Variants in GADL1 observed in about 807,000 individuals in gnomAD.
GADL1 encodes GAD like acidic amino acid decarboxylase 1.
A neutral mutation model predicts 69.5 loss-of-function variants in GADL1; 71 were observed. That is an observed-to-expected ratio of 1.02 (90% CI 0.84 to 1.25). The LOEUF (loss-of-function observed/expected upper bound fraction) is 1.25. Among genes scored for constraint, GADL1 ranks in the 50% most tolerant of loss-of-function variants. The pLI is 0.00. For synonymous variants in GADL1, 254 were observed against 214.4 expected (o/e 1.18, Z -1.62); for missense variants, 737 against 631.8 (o/e 1.17, Z -1.79).
rs1283387833 is a variant in GADL1, at chr3:30,760,388, T to TTG, written c.1392+17789_1392+17790dup. On this transcript the variant is annotated intron_variant, in intron 14 of 14. Transcript: ENST00000282538. ...TCTTTTAAATATCATTTTCAGGGAC[T>TTG]TGTATCACTCTGTGAAACTCCTAAA... 3.9e-5 allele frequency among the ~76,000 whole-genome samples: 6 copies of TTG among 152,316 alleles called. No individual in the cohort carries two copies. In the East Asian group the frequency reaches 1.2e-3, roughly 29 times the overall value.
At chr3:30,784,893 C>T (rs1423625501) in intron 13 of GADL1, among the ~76,000 whole-genome samples, 3 of 152,106 alleles carry the variant, frequency 2.0e-5, no homozygotes, top group Non-Finnish European at 4.4e-5. Flanking sequence ...CTGCACACTC[C>T]CCTTCATTCA....
rs557752797 is a variant in GADL1, at chr3:30,760,767, T to C, written c.1392+17412A>G. On this transcript the variant is annotated intron_variant, in intron 14 of 14. Transcript: ENST00000282538. ...TTATGTGACTTGGCCCTGAATTGATTCTCTAATCTTGGGACTTCTCCACAT... is the reference window on the plus strand; with the variant it reads ...TTATGTGACTTGGCCCTGAATTGATCCTCTAATCTTGGGACTTCTCCACAT... Among the ~76,000 whole-genome samples, 11 of 152,272 alleles carry C rather than the reference T, an allele frequency of 7.2e-5. No individual in the cohort carries two copies. In the South Asian group the frequency reaches 2.3e-3, roughly 32 times the overall value.
At chr3:30,851,322 TG>T (rs1698143764) in intron 4 of GADL1, among the ~76,000 whole-genome samples, 1 of 152,172 alleles carries the variant, frequency 6.6e-6, no homozygotes, top group South Asian at 2.1e-4. Context: ...TCCATTGTCA[TG>T]GTAACCAAGT....
intron 1 of GADL1, among the ~76,000 whole-genome samples, chr3:30,888,555 G>A (rs1235539795): frequency 6.6e-6 from 1 of 152,004 alleles, no homozygotes; most frequent in Admixed American, 6.6e-5. Context: ...TTTTTTTCAG[G>A]ATTTTTCCCA....
At chr3:30,785,442 T>C (rs1487400987) in intron 13 of GADL1, among the ~76,000 whole-genome samples, 1 of 148,606 alleles carries the variant, frequency 6.7e-6, no homozygotes, top group African/African-American at 2.5e-5. Flanking sequence ...TGGAGTGCAA[T>C]GGCGCGATAG....
At chr3:30,774,612 G>A (rs189449691) in intron 14 of GADL1, among the ~76,000 whole-genome samples, 1 of 152,094 alleles carries the variant, frequency 6.6e-6, no homozygotes, top group African/African-American at 2.4e-5. Flanking sequence ...TTCCAATACT[G>A]TCATGCTCAA....
intron 14 of GADL1, among the ~76,000 whole-genome samples, chr3:30,743,655 G>A (rs1182227682): frequency 6.6e-6 from 1 of 152,304 alleles, no homozygotes; most frequent in East Asian, 1.9e-4. Flanking sequence ...CTGATTCCCT[G>A]AGTGGATGGT....
chr3:30,828,382 T>C (rs373904776), intron 11 of GADL1, among the ~76,000 whole-genome samples: 9 of 151,560 alleles, frequency 5.9e-5, no homozygotes, highest in African/African-American at 2.2e-4. Context: ...TTTTTTTTCC[T>C]TTACGTTGTA....
intron 12 of GADL1, among the ~76,000 whole-genome samples, chr3:30,797,161 G>A (rs189317439): frequency 2.1e-4 from 32 of 152,244 alleles, no homozygotes; most frequent in Middle Eastern, 3.4e-3. Context: ...TCAAGAATGC[G>A]CTGGCTAGTA....
chr3:30,854,978 T>C (rs1260331535), intron 3 of GADL1, among the ~76,000 whole-genome samples, 189 bp from the exon 4 acceptor site: 2 of 152,098 alleles, frequency 1.3e-5, no homozygotes, highest in Non-Finnish European at 2.9e-5. Flanking sequence ...GTTAGAATTC[T>C]AGGTACTTTG....
intron 1 of GADL1, 108 bp from the exon 2 acceptor site, chr3:30,861,873 A>C: frequency 1.5e-6 from 1 of 679,208 alleles, no homozygotes; most frequent in Non-Finnish European, 2.4e-6. Flanking sequence ...CACATCTTTT[A>C]ATACATGAAG....
At chr3:30,890,072 G>C (rs889687886) in intron 1 of GADL1, among the ~76,000 whole-genome samples, 1 of 152,124 alleles carries the variant, frequency 6.6e-6, no homozygotes, top group African/African-American at 2.4e-5. Context: ...CCAGCTATTA[G>C]ATATTTAGAT....
chr3:30,781,941 G>A (rs1657324567), intron 13 of GADL1, among the ~76,000 whole-genome samples: 1 of 152,150 alleles, frequency 6.6e-6, no homozygotes, highest in Non-Finnish European at 1.5e-5. Context: ...TACTATATTT[G>A]AAGGGAAACA....
At chr3:30,882,109 T>A (rs938254497) in intron 1 of GADL1, among the ~76,000 whole-genome samples, 1 of 151,696 alleles carries the variant, frequency 6.6e-6, no homozygotes, top group East Asian at 1.9e-4. Context: ...TTTTACACAC[T>A]TTTCTATCCT....
chr3:30,815,133 A>AT (rs1697440506), intron 11 of GADL1, among the ~76,000 whole-genome samples: 4 of 152,138 alleles, frequency 2.6e-5, no homozygotes, highest in Admixed American at 2.6e-4. Context: ...AGAGAATGGC[A>AT]TTTGAAAATC....
chr3:30,785,038 C>A (rs1294693100), intron 13 of GADL1, among the ~76,000 whole-genome samples: 4 of 152,190 alleles, frequency 2.6e-5, no homozygotes, highest in Non-Finnish European at 4.4e-5. Context: ...CAGGTCTCAG[C>A]TCAAAGATAA....
At chr3:30,826,352 G>A (rs1213172414) in intron 11 of GADL1, among the ~76,000 whole-genome samples, 2 of 151,834 alleles carry the variant, frequency 1.3e-5, no homozygotes, top group South Asian at 4.1e-4. Context: ...GTGATGACTG[G>A]CAGAGAAGCA....
In GADL1 at chr3:30,751,610, A is replaced by G. The variant is rs575008929; in HGVS notation, c.1393-23195T>C. Among the ~76,000 whole-genome samples, 82 of 152,180 alleles carry G rather than the reference A, an allele frequency of 5.4e-4. 1 individual carries two copies. Among genetic ancestry groups the G allele is most frequent in the Admixed American group, 2.0e-4 (3 of 15,282 alleles). ...TTGAGTGGAGGTATCTATAGAAGATAGGCTAATGTGAAAACTGAAAGACTG... is the reference window on the plus strand; with the variant it reads ...TTGAGTGGAGGTATCTATAGAAGATGGGCTAATGTGAAAACTGAAAGACTG... On this transcript the variant is annotated intron_variant, in intron 14 of 14. Transcript: ENST00000282538.
rs1266215877 is a variant in GADL1 at position 30,768,552 on chromosome 3, GGAGAGAGAA to G, written c.1392+9618_1392+9626del. ...TGAAATTTTGAGAAGGAGAAGAGGG[GGAGAGAGAA>G]GGGGTGGGGAGGGGGAGGAGAGGCG... On this transcript the variant is annotated intron_variant, in intron 14 of 14. Transcript: ENST00000282538. Among the ~76,000 whole-genome samples the G allele has an allele frequency of 2.6e-3, 352 of 135,032 alleles. 2 individuals are homozygous for G. Among genetic ancestry groups the G allele is most frequent in the African/African-American group, 8.5e-3 (333 of 39,340 alleles). The allele number at this position is 135,032 out of a possible 152,430, so 88.6% of individuals were successfully genotyped here.
Sources: gnomAD v4.1 joint callset for allele counts (sites outside exome capture counted in the v4.1 genomes callset) on GRCh38, gnomAD v4.1.1 for gene constraint, MANE v1.5 for transcripts, NCBI Gene and HGNC (gene_info 2026-07-23, HGNC 2026-07-21) for gene names.